The following CHD6 variants were observed in gnomAD, a reference collection of about 807,000 sequenced individuals.
The protein encoded by CHD6 is chromodomain helicase DNA binding protein 6, also known as ATP-dependent chromatin remodeler CHD6.
Under a neutral mutation model 276.9 loss-of-function variants are expected in CHD6, and 50 were observed. The ratio of observed to expected loss-of-function variants is 0.18; its 90% CI spans 0.14 to 0.23. The LOEUF (loss-of-function observed/expected upper bound fraction) is 0.23. CHD6 is among the 10% of genes least tolerant of loss of function. The probability of loss-of-function intolerance (pLI) is 1.00; values close to 1 mark genes in which losing one functional copy is unlikely to be tolerated. For missense variants in CHD6, 2,564 were observed against 3,365.8 expected (o/e 0.76, Z 5.89); for synonymous variants, 1,173 against 1,229.3 (o/e 0.95, Z 0.96).
chr20:41,510,912 G>T (rs962274695), intron 5 of CHD6, among the ~76,000 whole-genome samples: 1 of 152,126 alleles, frequency 6.6e-6, no homozygotes, highest in African/African-American at 2.4e-5. Flanking sequence ...GTATTATAGT[G>T]ACAATATATC....
At chr20:41,603,389 A>G (rs930765513) in intron 1 of CHD6, among the ~76,000 whole-genome samples, 1 of 151,986 alleles carries the variant, frequency 6.6e-6, no homozygotes, top group Non-Finnish European at 1.5e-5. Flanking sequence ...AAACATATAC[A>G]CGTGTGTGTA....
intron 1 of CHD6, among the ~76,000 whole-genome samples, chr20:41,606,651 G>T (rs1322949565): frequency 6.8e-6 from 1 of 148,014 alleles, no homozygotes; most frequent in Non-Finnish European, 1.5e-5. Flanking sequence ...CTTCAGCCTG[G>T]GCAACAGAGC....
intron 3 of CHD6, among the ~76,000 whole-genome samples, chr20:41,515,261 G>C (rs1348380204): frequency 6.6e-6 from 1 of 152,164 alleles, no homozygotes; most frequent in African/African-American, 2.4e-5. Context: ...AAGTTCAACT[G>C]CTTCACAGAT....
intron 36 of CHD6, among the ~76,000 whole-genome samples, chr20:41,411,272 G>A (rs939449588): frequency 1.3e-4 from 19 of 151,950 alleles, no homozygotes; most frequent in African/African-American, 4.4e-4. Context: ...GCGAGAGGAG[G>A]AAATGACTAG....
At chr20:41,611,803 A>G (rs1283004574) in intron 1 of CHD6, among the ~76,000 whole-genome samples, 1 of 152,006 alleles carries the variant, frequency 6.6e-6, no homozygotes, top group Non-Finnish European at 1.5e-5. Context: ...ATGCTTGGCT[A>G]ATTTTTGTAT....
intron 25 of CHD6, among the ~76,000 whole-genome samples, chr20:41,441,332 A>G (rs543026467): frequency 1.3e-5 from 2 of 152,200 alleles, no homozygotes; most frequent in African/African-American, 2.4e-5. Flanking sequence ...TTCTCTTCCA[A>G]TCACTGTTGT....
At chr20:41,504,246 GCTGCATCTAATCTA>G (rs2043919295) in intron 5 of CHD6, among the ~76,000 whole-genome samples, 4 of 151,516 alleles carry the variant, frequency 2.6e-5, no homozygotes, top group African/African-American at 9.7e-5. Context: ...CTCCTCTTCT[GCTGCATCTAATCTA>G]CTTATAAACC....
chr20:41,530,513 G>A (rs2044657885), intron 3 of CHD6, among the ~76,000 whole-genome samples: 1 of 151,992 alleles, frequency 6.6e-6, no homozygotes. Flanking sequence ...AAATCAACGA[G>A]AACAAAAAAC....
intron 3 of CHD6, among the ~76,000 whole-genome samples, chr20:41,531,256 C>T: frequency 6.6e-6 from 1 of 152,116 alleles, no homozygotes. Context: ...TAGATACAAA[C>T]CAAGACTTCT....
chr20:41,553,130 A>G (rs2045170592), intron 1 of CHD6, among the ~76,000 whole-genome samples: 1 of 152,224 alleles, frequency 6.6e-6, no homozygotes, highest in Non-Finnish European at 1.5e-5. Context: ...TTAAATTATC[A>G]GACCCCAGAA....
In CHD6 at chr20:41,488,586, C is replaced by T. The variant is rs2043473436; in HGVS notation, c.1699G>A (p.Val567Ile). Residue 567 changes from valine to isoleucine, a missense_variant, in exon 13 of 37, where the codon GTC (valine) becomes ATC (isoleucine). Val to Ile is a conservative substitution (Grantham distance 29). Coordinates refer to ENST00000373233, the MANE Select transcript of CHD6 (RefSeq NM_032221.5). ...GTGATGACGACGTGGAACTTGAAGACTCCTGAAAGGGGGTTTCCCTGAGGA... is the reference window on the plus strand; with the variant it reads ...GTGATGACGACGTGGAACTTGAAGATTCCTGAAAGGGGGTTTCCCTGAGGA... ...RDAQGNPLSG[V>I]FKFHVVITTF... The T allele has an allele frequency of 6.2e-7, 1 of 1,613,372 alleles. No individual in the cohort carries two copies. The highest frequency in any genetic ancestry group is 8.5e-7 in the Non-Finnish European group (1 of 1,179,654).
intron 2 of CHD6, among the ~76,000 whole-genome samples, chr20:41,542,537 C>CA (rs1270200631): frequency 2.0e-5 from 3 of 149,892 alleles, no homozygotes; most frequent in African/African-American, 7.4e-5. Flanking sequence ...CTAAAAAATA[C>CA]AAAAAATTAG....
chr20:41,427,367 C>G (rs2047399225), intron 27 of CHD6, among the ~76,000 whole-genome samples: 1 of 152,126 alleles, frequency 6.6e-6, no homozygotes, highest in Non-Finnish European at 1.5e-5. Context: ...TTACGGAGAA[C>G]TACGTGTTAA....
At position 41,499,351 on chromosome 20, in the gene CHD6, G is replaced by C; in HGVS notation, c.859C>G (p.Pro287Ala). The stretch of plus-strand genomic sequence containing the variant: ...TCAATGATGTTTGCATCATCTTCTG[G>C]AGGCTCCTGGGGACAAAGATAAAAA... Reference protein sequence around the residue: ...STLAWQAEEPPEDDANIIEKI... With the variant: ...STLAWQAEEPAEDDANIIEKI... Residue 287 changes from proline to alanine, a missense_variant, in exon 6 of 37, where the codon CCA (proline) becomes GCA (alanine). Physicochemically the swap from Pro to Ala is conservative, Grantham distance 27 (BLOSUM62 -1). This residue lies in a region of CHD6 where 457 missense variants were observed against 889.0 expected (regional missense o/e 0.51). Transcript: ENST00000373233. The C allele has an allele frequency of 6.2e-7, 1 of 1,600,670 alleles. No homozygotes were observed. The highest frequency in any genetic ancestry group is 8.5e-7 in the Non-Finnish European group (1 of 1,173,062).
intron 1 of CHD6, among the ~76,000 whole-genome samples, chr20:41,600,487 A>G (rs2045762888): frequency 6.6e-6 from 1 of 152,206 alleles, no homozygotes; most frequent in South Asian, 2.1e-4. Flanking sequence ...GTGTTGGAAC[A>G]GTCTCTATGT....
At chr20:41,582,121 C>T (rs1379110281) in intron 1 of CHD6, among the ~76,000 whole-genome samples, 1 of 151,980 alleles carries the variant, frequency 6.6e-6, no homozygotes, top group East Asian at 1.9e-4. Flanking sequence ...TAAATAATCT[C>T]AACTCAATTC....
chr20:41,445,456 A>C (rs911803911), intron 25 of CHD6, among the ~76,000 whole-genome samples: 1 of 152,184 alleles, frequency 6.6e-6, no homozygotes, highest in Non-Finnish European at 1.5e-5. Context: ...ATGTTCCTCA[A>C]TAATATAAAA....
chr20:41,467,509 C>T (rs557939623), intron 17 of CHD6, among the ~76,000 whole-genome samples: 1 of 124,228 alleles, frequency 8.0e-6, no homozygotes, highest in Non-Finnish European at 1.6e-5. Context: ...TTTTTTAATA[C>T]ATTTGGGGTG....
chr20:41,489,907 A>C lies in CHD6; in HGVS notation c.1551T>G (p.Pro517=). 6.2e-7 allele frequency: 1 copy of C among 1,613,984 alleles called. No homozygotes were observed. The highest frequency in any genetic ancestry group is 8.5e-7 in the Non-Finnish European group (1 of 1,179,954). Reference sequence around the variant, plus strand: ...GCTCCCAGTTAGTGATGGTGGAGAGAGGGGCGATAATGAGAAAAGGGCCGT... The same window carrying C: ...GCTCCCAGTTAGTGATGGTGGAGAGCGGGGCGATAATGAGAAAAGGGCCGT... ...GIHGPFLIIA[P]LSTITNWERE... The change falls in exon 12 of 37, where the codon CCT becomes CCG. Residue 517 remains proline (P), a synonymous_variant. Transcript: ENST00000373233.
Sources: allele counts gnomAD v4.1 joint callset (sites outside exome capture counted in the v4.1 genomes callset), GRCh38; gene constraint gnomAD v4.1.1; regional missense constraint gnomAD v4.1.1; transcripts MANE v1.5; gene names NCBI Gene and HGNC (gene_info 2026-07-23, HGNC 2026-07-21).